RBFOX1: variants seen among roughly 807,000 people sequenced by gnomAD.
RBFOX1 encodes RNA binding protein fox-1 homolog 1.
RBFOX1 carries 8 observed loss-of-function variants against 57.7 expected under a neutral mutation model. The observed-to-expected ratio is 0.14, with a 90% CI of 0.08 to 0.25. The LOEUF (loss-of-function observed/expected upper bound fraction) is 0.25. RBFOX1 is among the 10% of genes least tolerant of loss of function. The pLI, the probability that RBFOX1 is intolerant of heterozygous loss-of-function variation, is 1.00. For missense variants in RBFOX1, 611 were observed against 548.5 expected (o/e 1.11, Z -1.14); for synonymous variants, 326 against 222.4 (o/e 1.47, Z -4.15).
At chr16:5,430,879 G>T (rs140507334) in intron 1 of RBFOX1, among the ~76,000 whole-genome samples, 72 of 152,296 alleles carry the variant, frequency 4.7e-4, no homozygotes, top group African/African-American at 1.7e-3. Flanking sequence ...TTTTGCCCTG[G>T]TATAAAGGAG....
intron 2 of RBFOX1, among the ~76,000 whole-genome samples, chr16:6,480,736 TA>T (rs1270367056): frequency 6.6e-6 from 1 of 152,236 alleles, no homozygotes; most frequent in African/African-American, 2.4e-5. Flanking sequence ...TTAAAACTTG[TA>T]TTTTTATCTC....
At chr16:6,556,789 C>T (rs1286282737) in intron 2 of RBFOX1, among the ~76,000 whole-genome samples, 1 of 151,866 alleles carries the variant, frequency 6.6e-6, no homozygotes, top group South Asian at 2.1e-4. Flanking sequence ...ATGACTTAGA[C>T]CTGAAGAGGC....
intron 3 of RBFOX1, among the ~76,000 whole-genome samples, chr16:5,708,696 G>T (rs2051342602): frequency 6.6e-6 from 1 of 152,224 alleles, no homozygotes; most frequent in East Asian, 1.9e-4. Context: ...ACCATTGGTT[G>T]TTCCAGTGGT....
intron 3 of RBFOX1, among the ~76,000 whole-genome samples, chr16:5,747,463 C>T (rs1339171235): frequency 6.6e-6 from 1 of 152,112 alleles, no homozygotes; most frequent in Admixed American, 6.6e-5. Context: ...GGAATGGTAC[C>T]AGCTCCTTCT....
At chr16:6,290,338 G>A (rs1024957567) in intron 1 of RBFOX1, among the ~76,000 whole-genome samples, 23 of 151,164 alleles carry the variant, frequency 1.5e-4, no homozygotes, top group African/African-American at 5.6e-4. Context: ...TAAGGAAAAT[G>A]AGGGGAAGAC....
intron 2 of RBFOX1, among the ~76,000 whole-genome samples, chr16:5,596,146 G>T (rs893615890): frequency 1.3e-5 from 2 of 152,138 alleles, no homozygotes; most frequent in African/African-American, 4.8e-5. Flanking sequence ...TGTGGAAGGG[G>T]CAAAGAGGAA....
Position 6,019,552 on chromosome 16 carries a change from CG to C in RBFOX1, c.-565del. 1 of 1,117,108 alleles carries C rather than the reference CG, an allele frequency of 9.0e-7. No individual in the cohort carries two copies. The highest frequency in any genetic ancestry group is 1.1e-6 in the Non-Finnish European group (1 of 914,652). The allele number at this position is 1,117,108 out of a possible 1,614,324, so 69.2% of individuals were successfully genotyped here. ...CTGCCAGCCCCGGGAACAGCAGAGG[CG>C]GCGGCACTGGCTGGACCCACGCGCG... On this transcript the variant is annotated 5_prime_UTR_variant, in exon 1 of 16. Transcript: ENST00000550418. This position sits in a 1 kb window ranked among gnomAD's most constrained non-coding sequence, Gnocchi z 4.2.
At chr16:7,226,448 G>A (rs113594597) in intron 4 of RBFOX1, among the ~76,000 whole-genome samples, 2,841 of 152,296 alleles carry the variant, frequency 0.019, 86 homozygotes, top group African/African-American at 0.065. Context: ...GAGGTGGGGT[G>A]TGTGTATGTG....
intron 3 of RBFOX1, among the ~76,000 whole-genome samples, chr16:6,842,520 C>G (rs1307355849): frequency 6.6e-6 from 1 of 151,986 alleles, no homozygotes; most frequent in African/African-American, 2.4e-5. Context: ...TTTATCCTGC[C>G]CTTTTCAGCT....
chr16:6,883,586 T>C (rs1158968423), intron 3 of RBFOX1, among the ~76,000 whole-genome samples: 1 of 152,222 alleles, frequency 6.6e-6, no homozygotes, highest in African/African-American at 2.4e-5. Flanking sequence ...AGAGAAAATA[T>C]TGAAGTAACA....
intron 3 of RBFOX1, among the ~76,000 whole-genome samples, chr16:5,816,152 C>T (rs999333422): frequency 5.3e-5 from 8 of 152,180 alleles, no homozygotes; most frequent in Non-Finnish European, 8.8e-5. Flanking sequence ...CATTAACCCC[C>T]AGTGGCTCCT....
intron 1 of RBFOX1, among the ~76,000 whole-genome samples, chr16:6,137,800 G>A (rs572860806): frequency 2.0e-5 from 3 of 151,756 alleles, no homozygotes; most frequent in East Asian, 3.9e-4. Context: ...GTAGAGACAG[G>A]TTCCCACTAT....
chr16:5,472,260 A>G (rs1482240144), intron 2 of RBFOX1, among the ~76,000 whole-genome samples: 3 of 152,074 alleles, frequency 2.0e-5, no homozygotes, highest in Non-Finnish European at 4.4e-5. Context: ...GGCATAGGGA[A>G]GCCTGGGGAG....
intron 2 of RBFOX1, among the ~76,000 whole-genome samples, chr16:6,545,043 C>T (rs576391602): frequency 1.3e-5 from 2 of 152,254 alleles, no homozygotes; most frequent in African/African-American, 4.8e-5. Flanking sequence ...TGGCAGAAGG[C>T]ATTCCAATAG....
At chr16:6,279,661 C>T (rs1045500463) in intron 1 of RBFOX1, among the ~76,000 whole-genome samples, 1 of 152,166 alleles carries the variant, frequency 6.6e-6, no homozygotes, top group African/African-American at 2.4e-5. Flanking sequence ...CATAAACACA[C>T]TATTAACTAT....
chr16:6,386,838 T>C (rs1026166994), intron 2 of RBFOX1, among the ~76,000 whole-genome samples: 3 of 152,060 alleles, frequency 2.0e-5, no homozygotes, highest in African/African-American at 7.2e-5. Context: ...AGGGGCCAGA[T>C]AGGGCTGGGA....
chr16:5,667,050 C>T (rs1044287553), intron 3 of RBFOX1, among the ~76,000 whole-genome samples: 2 of 152,168 alleles, frequency 1.3e-5, no homozygotes. Flanking sequence ...TGATAAGATG[C>T]CTGTTCTGCC....
At chr16:6,566,583 C>G (rs950268806) in intron 2 of RBFOX1, among the ~76,000 whole-genome samples, 1 of 152,150 alleles carries the variant, frequency 6.6e-6, no homozygotes, top group African/African-American at 2.4e-5. Flanking sequence ...TGCCGAAATA[C>G]TGCTTTATTT....
At chr16:6,011,789 G>A (rs116548043) in intron 4 of RBFOX1, among the ~76,000 whole-genome samples, 4 of 152,102 alleles carry the variant, frequency 2.6e-5, no homozygotes, top group Admixed American at 2.0e-4. Context: ...GAGGACTTGC[G>A]CTTACTCTCC....
Sources: gnomAD v4.1 joint callset for allele counts (sites outside exome capture counted in the v4.1 genomes callset) on GRCh38, gnomAD v4.1.1 for gene constraint, Gnocchi (gnomAD v3.1) non-coding constraint, MANE v1.5 for transcripts, NCBI Gene and HGNC (gene_info 2026-07-23, HGNC 2026-07-21) for gene names.